The following AHNAK2 variants were observed in gnomAD, a reference collection of about 807,000 sequenced individuals.
AHNAK2 encodes AHNAK nucleoprotein 2.
Under a neutral mutation model 30.7 loss-of-function variants are expected in AHNAK2, and 18 were observed. The ratio of observed to expected loss-of-function variants is 0.59; its 90% CI spans 0.41 to 0.87. AHNAK2 has a LOEUF of 0.87. AHNAK2 is among the 40% of genes least tolerant of loss of function. The pLI is 0.00. For synonymous variants in AHNAK2, 3,590 were observed against 3,073.8 expected (o/e 1.17, Z -5.56); for missense variants, 8,604 against 7,373.0 (o/e 1.17, Z -6.11).
In AHNAK2 at chr14:104,940,011, C is replaced by T. The variant is rs750634876; in HGVS notation, c.15440G>A (p.Cys5147Tyr). ...AGGTGTGGGGGCTATCCCCTCCCCA[C>T]AAGGCTGGCTCACTGGGACATCCCC... ...GLGDVPVSQP[C>Y]GEGIAPTPED... Residue 5147 changes from cysteine (C) to tyrosine (Y), a missense_variant, in exon 7 of 7, where the codon TGT (cysteine) becomes TAT (tyrosine). Cys to Tyr is a radical substitution (Grantham distance 194, BLOSUM62 -2). Transcript: ENST00000333244. The surrounding 1 kb of genome is among the most constrained non-coding windows in gnomAD (Gnocchi z 4.4). 2 of 1,612,820 alleles carry T rather than the reference C, an allele frequency of 1.2e-6. No individual in the cohort carries two copies. The highest frequency in any genetic ancestry group is 1.7e-5 in the Admixed American group (1 of 60,024).
Position 104,939,946 on chromosome 14 carries a change from C to T in AHNAK2, c.15505G>A (p.Glu5169Lys), listed in dbSNP as rs1302633682. 3 of 1,612,140 alleles carry T rather than the reference C, an allele frequency of 1.9e-6. No homozygotes were observed. In the South Asian group the frequency reaches 3.3e-5, roughly 18 times the overall value. The change falls in exon 7 of 7, where the codon GAA (glutamate) becomes AAA (lysine). Residue 5169 changes from glutamate (E) to lysine (K), a missense_variant. By Grantham distance (56) the Glu-to-Lys change is moderately conservative. Transcript: ENST00000333244. ...LQPSCRKPDAEVLTVESPEEE... is the reference protein window; with the variant it reads ...LQPSCRKPDAKVLTVESPEEE... ...TCTGGGCTTTCCACTGTGAGGACTT[C>T]AGCATCTGGTTTTCTACAGGATGGC...
Position 104,957,596 on chromosome 14 carries a change from C to T in AHNAK2, c.114+18G>A. ...GGCAGGGTATGAGGAGGACACACTT[C>T]CTCCTGCTCTCACTTACAGAGTGGT... is the stretch of plus-strand genomic sequence containing the variant. On this transcript the variant is annotated intron_variant, in intron 2 of 6. Coordinates refer to ENST00000333244, the MANE Select transcript of AHNAK2 (RefSeq NM_138420.4). 1 of 1,608,708 alleles carries T rather than the reference C, an allele frequency of 6.2e-7. No homozygotes were observed. The highest frequency in any genetic ancestry group is 8.5e-7 in the Non-Finnish European group (1 of 1,177,964).
chr14:104,972,809 C>A (rs1034229400), intron 1 of AHNAK2, among the ~76,000 whole-genome samples: 1 of 152,262 alleles, frequency 6.6e-6, no homozygotes, highest in Non-Finnish European at 1.5e-5. Flanking sequence ...CTTGCTCCCC[C>A]GCCAGGCACT....
Position 104,942,677 on chromosome 14 carries a change from C to T in AHNAK2, c.12774G>A (p.Glu4258=). ...PKADVMTPVV[E]VSLPSMEVDV... is the part of the protein sequence containing the mutation. ...CCACCTCCATGCTGGGCAGAGACAC[C>T]TCCACGACGGGGGTCATCACATCCG... Residue 4258 remains glutamate (E), a synonymous_variant, in exon 7 of 7, where the codon GAG becomes GAA. Transcript: ENST00000333244. The T allele has an allele frequency of 2.5e-6, 4 of 1,613,346 alleles. No individual in the cohort carries two copies. The highest frequency in any genetic ancestry group is 3.4e-6 in the Non-Finnish European group (4 of 1,179,674).
chr14:104,972,129 A>T (rs1899485869), intron 1 of AHNAK2, among the ~76,000 whole-genome samples: 1 of 152,234 alleles, frequency 6.6e-6, no homozygotes, highest in African/African-American at 2.4e-5. Context: ...ACTTGCCGGC[A>T]AATGGGGTGG....
rs768813710 is a variant in AHNAK2, at chr14:104,942,853, T to G, written c.12598A>C (p.Lys4200Gln). 3.1e-6 allele frequency: 5 copies of G among 1,612,576 alleles called. No homozygotes were observed. The African/African-American group carries it at 6.7e-5, about 22-fold the overall frequency. The change falls in exon 7 of 7, where the codon AAA (lysine) becomes CAA (glutamine). Residue 4200 changes from lysine to glutamine, a missense_variant. Lys to Gln is a moderately conservative substitution (Grantham distance 53, BLOSUM62 1). Transcript: ENST00000333244. ...TTGGGCAGGGGGCCCTCCGGGAGTTTCACGTCCACTTGGCCAGCCTGGACC... is the reference window on the plus strand; with the variant it reads ...TTGGGCAGGGGGCCCTCCGGGAGTTGCACGTCCACTTGGCCAGCCTGGACC... ...LEVQAGQVDV[K>Q]LPEGPLPKGA...
In AHNAK2 at chr14:104,951,036, C is replaced by T. The variant is rs1566915184; in HGVS notation, c.4415G>A (p.Gly1472Asp). The T allele has an allele frequency of 5.6e-6, 6 of 1,063,660 alleles. 1 individual carries two copies. The highest frequency in any genetic ancestry group is 8.2e-6 in the Non-Finnish European group (6 of 733,262). The allele number at this position is 1,063,660 out of a possible 1,614,324, so 65.9% of individuals were successfully genotyped here. The change falls in exon 7 of 7, where the codon GGT becomes GAT. Residue 1472 changes from glycine to aspartate, a missense_variant. Physicochemically the swap from Gly to Asp is moderately conservative, Grantham distance 94. Coordinates refer to ENST00000333244, the MANE Select transcript of AHNAK2 (RefSeq NM_138420.4). ...DVEAPGAKLD[G>D]GRLEEDMSLA... Reference sequence around the variant, plus strand: ...GGACATGTCCTCCTCCAGCCGTCCACCATCCAGCTTGGCTCCTGGGGCCTC... The same window carrying T: ...GGACATGTCCTCCTCCAGCCGTCCATCATCCAGCTTGGCTCCTGGGGCCTC...
At chr14:104,976,334 C>A (rs1374994524) in intron 1 of AHNAK2, among the ~76,000 whole-genome samples, 1 of 152,180 alleles carries the variant, frequency 6.6e-6, no homozygotes, top group East Asian at 1.9e-4. Flanking sequence ...CCCTGCTGGG[C>A]TGGTGCCTGG....
At position 104,942,876 on chromosome 14, in the gene AHNAK2, A is replaced by G. The variant is rs377321544; in HGVS notation, c.12575T>C (p.Val4192Ala). Reference protein sequence around the residue: ...SIQSPSADLEVQAGQVDVKLP... With the variant: ...SIQSPSADLEAQAGQVDVKLP... Reference sequence around the variant, plus strand: ...TTTCACGTCCACTTGGCCAGCCTGGACCTCCAGGTCGGCGGAAGGGGACTG... The same window carrying G: ...TTTCACGTCCACTTGGCCAGCCTGGGCCTCCAGGTCGGCGGAAGGGGACTG... Residue 4192 changes from valine to alanine, a missense_variant, in exon 7 of 7, where the codon GTC becomes GCC. Transcript: ENST00000333244. 1.2e-6 allele frequency: 2 copies of G among 1,611,474 alleles called. No individual in the cohort carries two copies. The highest frequency in any genetic ancestry group is 1.7e-6 in the Non-Finnish European group (2 of 1,179,160).
chr14:104,944,254 T>A lies in AHNAK2; in HGVS notation c.11197A>T (p.Lys3733Ter). ...ACCTGGGGGCCCTTGAGGTCCACTTTGGGCATCTTCAAACTGGGCATCTCC... is the reference window on the plus strand; with the variant it reads ...ACCTGGGGGCCCTTGAGGTCCACTTAGGGCATCTTCAAACTGGGCATCTCC... ...KVEMPSLKMPKVDLKGPQVDI... is the reference protein window; with the variant it reads ...KVEMPSLKMP The change falls in exon 7 of 7, where the codon AAA (lysine) becomes TAA (stop). Residue 3733 changes from lysine to a stop codon, truncating the protein, a stop_gained. Transcript: ENST00000333244. LOFTEE classifies it low-confidence loss of function (END_TRUNC). 6.2e-7 allele frequency: 1 copy of A among 1,612,898 alleles called. No individual in the cohort carries two copies. Among genetic ancestry groups the A allele is most frequent in the Non-Finnish European group, 8.5e-7 (1 of 1,179,540 alleles).
Position 104,945,677 on chromosome 14 carries a change from C to A in AHNAK2, c.9774G>T (p.Pro3258=), listed in dbSNP as rs533365075. 238 of 1,590,636 alleles carry A rather than the reference C, an allele frequency of 1.5e-4. 2 individuals carry two copies. In the East Asian group the frequency reaches 4.7e-3, roughly 31 times the overall value. Residue 3258 remains proline, a synonymous_variant, in exon 7 of 7, where the codon CCG becomes CCT. Coordinates refer to ENST00000333244, the MANE Select transcript of AHNAK2 (RefSeq NM_138420.4). ...CGTCGGGGGCCGTCACATCCATCTTCGGGCCTTTCAGGTCCAGCTTGGGGC... is the reference window on the plus strand; with the variant it reads ...CGTCGGGGGCCGTCACATCCATCTTAGGGCCTTTCAGGTCCAGCTTGGGGC... ...IKGPKLDLKG[P]KMDVTAPDVE...
chr14:104,978,145 GC>G, intron 1 of AHNAK2, 37 bp downstream of exon 1: 1 of 1,207,144 alleles, frequency 8.3e-7, no homozygotes, highest in African/African-American at 1.6e-5. Flanking sequence ...TAGCCCACCC[GC>G]CCCAGGGGAG....
intron 1 of AHNAK2, among the ~76,000 whole-genome samples, chr14:104,977,087 G>A (rs975981987): frequency 1.3e-5 from 2 of 152,180 alleles, no homozygotes; most frequent in African/African-American, 4.8e-5. Context: ...ACAGGCCACA[G>A]GAGGGGCCTT....
rs370880107 is a variant in AHNAK2 at position 104,950,292 on chromosome 14, C to A, written c.5159G>T (p.Gly1720Val). The change falls in exon 7 of 7, where the codon GGC becomes GTC. Residue 1720 changes from glycine to valine, a missense_variant. Coordinates refer to ENST00000333244, the MANE Select transcript of AHNAK2 (RefSeq NM_138420.4). ...CTCCGGGAGTTTCACGTTCACTTGG[C>A]CAGCCTGGACCTCCAGGTCGGCGGA... Reference protein sequence around the residue: ...SPSADLEVQAGQVNVKLPEGP... With the variant: ...SPSADLEVQAVQVNVKLPEGP... The A allele has an allele frequency of 1.1e-3, 1,722 of 1,585,332 alleles. 172 individuals are homozygous for A. The South Asian group carries it at 0.016, about 15-fold the overall frequency.
rs894026 is a variant in AHNAK2 at position 104,976,643 on chromosome 14, G to A, written c.55+1540C>T. On this transcript the variant is annotated intron_variant, in intron 1 of 6. Transcript: ENST00000333244. ...TTATTCCCTAAGAGCGGATGGTTCC[G>A]TAGGCTGGACACAGGGAGGGACTGC... 2.8e-3 allele frequency among the ~76,000 whole-genome samples: 424 copies of A among 152,326 alleles called. 3 individuals are homozygous for A. Among genetic ancestry groups the A allele is most frequent in the African/African-American group, 9.7e-3 (403 of 41,578 alleles).
intron 1 of AHNAK2, among the ~76,000 whole-genome samples, chr14:104,977,436 C>T (rs1899623180): frequency 6.6e-6 from 1 of 152,128 alleles, no homozygotes; most frequent in South Asian, 2.1e-4. Flanking sequence ...CAGAGGGAGG[C>T]TACTGACCAT....
Position 104,938,903 on chromosome 14 carries a change from G to A in AHNAK2, c.16548C>T (p.Tyr5516=), listed in dbSNP as rs763978102. 7 of 1,613,582 alleles carry A rather than the reference G, an allele frequency of 4.3e-6. No homozygotes were observed. The highest frequency in any genetic ancestry group is 1.3e-5 in the African/African-American group (1 of 74,922). Residue 5516 remains tyrosine (Y), a synonymous_variant, in exon 7 of 7, where the codon TAC becomes TAT. Coordinates refer to ENST00000333244, the MANE Select transcript of AHNAK2 (RefSeq NM_138420.4). ...IPTSEIQTPS[Y]GFSLLKVKIP... Reference sequence around the variant, plus strand: ...TTTTCACTTTTAATAAGGAAAATCCGTACGAAGGTGTTTGAATCTCTGACG... The same window carrying A: ...TTTTCACTTTTAATAAGGAAAATCCATACGAAGGTGTTTGAATCTCTGACG...
At position 104,945,100 on chromosome 14, in the gene AHNAK2, C is replaced by T. The variant is rs1898189255; in HGVS notation, c.10351G>A (p.Asp3451Asn). The change falls in exon 7 of 7, where the codon GAT becomes AAT. Residue 3451 changes from aspartate (D) to asparagine (N), a missense_variant. Asp to Asn is a conservative substitution (Grantham distance 23). Coordinates refer to ENST00000333244, the MANE Select transcript of AHNAK2 (RefSeq NM_138420.4). ...AGGTCCCCCTCCAGCCGCGCACCATCCAGCTTGGCTCTCGGGGCCTGGACG... is the reference window on the plus strand; with the variant it reads ...AGGTCCCCCTCCAGCCGCGCACCATTCAGCTTGGCTCTCGGGGCCTGGACG... Reference protein sequence around the residue: ...VDVQAPRAKLDGARLEGDLSL... With the variant: ...VDVQAPRAKLNGARLEGDLSL... 6.2e-7 allele frequency: 1 copy of T among 1,613,138 alleles called. No homozygotes were observed. The highest frequency in any genetic ancestry group is 1.1e-5 in the South Asian group (1 of 91,066).
In AHNAK2 at chr14:104,946,896, A is replaced by T. The variant is rs746665888; in HGVS notation, c.8555T>A (p.Met2852Lys). Reference sequence around the variant, plus strand: ...GTCAGTGGTCTTAAGATCCCCTTGCATGGAGGGGAAGCTCCCGTCAGCTTC... The same window carrying T: ...GTCAGTGGTCTTAAGATCCCCTTGCTTGGAGGGGAAGCTCCCGTCAGCTTC... ...KVEADGSFPS[M>K]QGDLKTTDIR... The change falls in exon 7 of 7, where the codon ATG (methionine) becomes AAG (lysine). Residue 2852 changes from methionine (M) to lysine (K), a missense_variant. Physicochemically the swap from Met to Lys is moderately conservative, Grantham distance 95. Coordinates refer to ENST00000333244, the MANE Select transcript of AHNAK2 (RefSeq NM_138420.4). 5 of 1,612,442 alleles carry T rather than the reference A, an allele frequency of 3.1e-6. No individual in the cohort carries two copies. Among genetic ancestry groups the T allele is most frequent in the Non-Finnish European group, 4.2e-6 (5 of 1,179,654 alleles).
Sources: gnomAD v4.1 joint callset for allele counts (sites outside exome capture counted in the v4.1 genomes callset) on GRCh38, gnomAD v4.1.1 for gene constraint, Gnocchi (gnomAD v3.1) non-coding constraint, MANE v1.5 for transcripts, NCBI Gene and HGNC (gene_info 2026-07-23, HGNC 2026-07-21) for gene names.